The following PXK variants were observed in gnomAD, a reference collection of about 807,000 sequenced individuals.
The protein encoded by PXK is PX domain containing serine/threonine kinase like.
In PXK, 35 loss-of-function variants were observed where a neutral mutation model predicts 84.7. The ratio of observed to expected loss-of-function variants is 0.41; its 90% CI spans 0.32 to 0.55. PXK has a LOEUF of 0.55. PXK is among the 20% of genes least tolerant of loss of function. The probability of loss-of-function intolerance (pLI) is 0.21; values close to 1 mark genes in which losing one functional copy is unlikely to be tolerated. For missense variants in PXK, 634 were observed against 699.7 expected (o/e 0.91, Z 1.06); for synonymous variants, 253 against 260.8 (o/e 0.97, Z 0.29).
At chr3:58,361,599 G>T (rs542246030) in intron 1 of PXK, among the ~76,000 whole-genome samples, 4 of 152,106 alleles carry the variant, frequency 2.6e-5, no homozygotes, top group Non-Finnish European at 5.9e-5. Flanking sequence ...GAATTGTACA[G>T]TATATAACCT....
At chr3:58,354,854 G>T (rs373872934) in intron 1 of PXK, among the ~76,000 whole-genome samples, 1 of 151,976 alleles carries the variant, frequency 6.6e-6, no homozygotes, top group African/African-American at 2.4e-5. Flanking sequence ...GCAGTGGCTC[G>T]CGCTTGTAAT....
At chr3:58,377,976 G>A (rs1449928434) in intron 3 of PXK, among the ~76,000 whole-genome samples, 2 of 152,196 alleles carry the variant, frequency 1.3e-5, no homozygotes, top group Admixed American at 6.5e-5. Context: ...AGGTCAAGGA[G>A]TTGCAAGTCT....
chr3:58,367,494 C>T (rs866865477), intron 2 of PXK, among the ~76,000 whole-genome samples: 2 of 152,098 alleles, frequency 1.3e-5, no homozygotes, highest in Non-Finnish European at 2.9e-5. Context: ...ATCCGCCTGC[C>T]TCGGCCTCCC....
chr3:58,338,748 C>T (rs539854090), intron 1 of PXK, among the ~76,000 whole-genome samples: 7 of 149,814 alleles, frequency 4.7e-5, no homozygotes, highest in African/African-American at 1.2e-4. Context: ...TGCAGTGGCG[C>T]GATCTCGGCT....
Position 58,369,296 on chromosome 3 carries a change from T to G in PXK, c.154-135T>G, listed in dbSNP as rs1178722106. On this transcript the variant is annotated intron_variant, in intron 2 of 17. Transcript: ENST00000356151. ...TCAGGTTAAACAGTTAAGCACCAGG[T>G]ATAAGCCCTACTACCCTTAGCACAA... 3 of 607,096 alleles carry G rather than the reference T, an allele frequency of 4.9e-6. No homozygotes were observed. The East Asian group carries it at 8.7e-5, about 18-fold the overall frequency. The allele number at this position is 607,096 out of a possible 1,614,324, so 37.6% of individuals were successfully genotyped here. A position where few individuals can be genotyped will look rare whatever the true frequency, so the allele number is the denominator to read the frequency against.
At chr3:58,375,619 C>T (rs1444461440) in intron 3 of PXK, among the ~76,000 whole-genome samples, 2 of 152,106 alleles carry the variant, frequency 1.3e-5, no homozygotes, top group Admixed American at 6.6e-5. Context: ...ACTTTCTCTC[C>T]ATGTCTACGT....
At chr3:58,389,464 C>CTAT (rs2106787771) in intron 4 of PXK, among the ~76,000 whole-genome samples, 1 of 152,232 alleles carries the variant, frequency 6.6e-6, no homozygotes, top group East Asian at 1.9e-4. Context: ...GAAAAATATA[C>CTAT]ATTTTCACAT....
At chr3:58,373,409 G>T (rs1373270463) in intron 3 of PXK, among the ~76,000 whole-genome samples, 1 of 152,058 alleles carries the variant, frequency 6.6e-6, no homozygotes, top group Non-Finnish European at 1.5e-5. Flanking sequence ...TTTCACTTTC[G>T]CCGCTGAAAT....
At chr3:58,402,745 T>C (rs566751387) in intron 12 of PXK, among the ~76,000 whole-genome samples, 1 of 140,976 alleles carries the variant, frequency 7.1e-6, no homozygotes, top group East Asian at 1.9e-4. Context: ...CTATTGTTTT[T>C]AATAATATAC....
At chr3:58,375,351 A>T (rs984549596) in intron 3 of PXK, among the ~76,000 whole-genome samples, 1 of 152,220 alleles carries the variant, frequency 6.6e-6, no homozygotes, top group Non-Finnish European at 1.5e-5. Context: ...TTGAAAAAAA[A>T]GTAGTAAATG....
rs538216720 is a variant in PXK, at chr3:58,363,233, A to T, written c.103-2641A>T. ...CAAGTATTTTTTTTTGAGTAATTGT[A>T]AATGGTATTGTATTTCTAATTTATA... On this transcript the variant is annotated intron_variant, in intron 1 of 17. Transcript: ENST00000356151. Among the ~76,000 whole-genome samples, 14 of 152,300 alleles carry T rather than the reference A, an allele frequency of 9.2e-5. No homozygotes were observed. The Middle Eastern group carries it at 0.014, about 148-fold the overall frequency.
chr3:58,420,404 T>C, intron 17 of PXK: 1 of 1,187,954 alleles, frequency 8.4e-7, no homozygotes, highest in Non-Finnish European at 1.2e-6. Flanking sequence ...TATATCCTAG[T>C]TTCGAAGTGA....
At position 58,364,860 on chromosome 3, in the gene PXK, A is replaced by G. The variant is rs1013507475; in HGVS notation, c.103-1014A>G. Among the ~76,000 whole-genome samples, 6 of 152,172 alleles carry G rather than the reference A, an allele frequency of 3.9e-5. 1 individual carries two copies. The highest frequency in any genetic ancestry group is 8.8e-5 in the Non-Finnish European group (6 of 68,044). On this transcript the variant is annotated intron_variant, in intron 1 of 17. Coordinates refer to ENST00000356151, the MANE Select transcript of PXK (RefSeq NM_017771.5). The surrounding 1 kb of genome is among the most constrained non-coding windows in gnomAD (Gnocchi z 4.3). ...TTCACAGCATTCCCTTATCCATTTG[A>G]TATCTGCACAGTCTGTAGTGGTATC...
intron 1 of PXK, among the ~76,000 whole-genome samples, chr3:58,337,738 G>T (rs2097649196): frequency 6.6e-6 from 1 of 152,076 alleles, no homozygotes; most frequent in Non-Finnish European, 1.5e-5. Flanking sequence ...CCAAAATGCT[G>T]GGATTATAGG....
At chr3:58,418,632 C>T (rs879671615) in intron 17 of PXK, among the ~76,000 whole-genome samples, 20 of 152,120 alleles carry the variant, frequency 1.3e-4, no homozygotes, top group African/African-American at 3.1e-4. Flanking sequence ...AAAGACGTCT[C>T]GCTCTTTATT....
chr3:58,362,357 A>G (rs2098201482), intron 1 of PXK, among the ~76,000 whole-genome samples: 1 of 152,132 alleles, frequency 6.6e-6, no homozygotes, highest in African/African-American at 2.4e-5. Context: ...TACATAATTC[A>G]TTTTGGTAGT....
intron 17 of PXK, chr3:58,413,836 A>G (rs1383511853): frequency 6.6e-6 from 1 of 152,206 alleles, no homozygotes; most frequent in Non-Finnish European, 1.5e-5. Flanking sequence ...AGTTGATCCC[A>G]TATTCATTAT....
chr3:58,389,141 A>G (rs1254736217), intron 4 of PXK, among the ~76,000 whole-genome samples: 2 of 152,346 alleles, frequency 1.3e-5, no homozygotes, highest in East Asian at 3.9e-4. Flanking sequence ...AAACATTTTC[A>G]TGATAAATGA....
At position 58,401,210 on chromosome 3, in the gene PXK, C is replaced by A. The variant is rs1305333098; in HGVS notation, c.1181+1833C>A. Among the ~76,000 whole-genome samples the A allele has an allele frequency of 6.6e-6, 1 of 152,160 alleles. No homozygotes were observed. Among genetic ancestry groups the A allele is most frequent in the African/African-American group, 2.4e-5 (1 of 41,432 alleles). The stretch of plus-strand genomic sequence containing the variant: ...TAAACCATGTTCAATTAAAATGTGT[C>A]CTCTGGAAGTAAAGAGATGTGTGGC... On this transcript the variant is annotated intron_variant, in intron 12 of 17. Coordinates refer to ENST00000356151, the MANE Select transcript of PXK (RefSeq NM_017771.5). The surrounding 1 kb of genome is among the most constrained non-coding windows in gnomAD (Gnocchi z 4.4).
Sources: allele counts gnomAD v4.1 joint callset (sites outside exome capture counted in the v4.1 genomes callset), GRCh38; gene constraint gnomAD v4.1.1; non-coding constraint Gnocchi (gnomAD v3.1); transcripts MANE v1.5; gene names NCBI Gene and HGNC (gene_info 2026-07-23, HGNC 2026-07-21).